The following RANBP1 variants were observed in gnomAD, a reference collection of about 807,000 sequenced individuals.
RANBP1 encodes RAN binding protein 1.
Under a neutral mutation model 31.4 loss-of-function variants are expected in RANBP1, and 16 were observed. The observed-to-expected ratio is 0.51, with a 90% CI of 0.34 to 0.77. The LOEUF is 0.77. RANBP1 is among the 30% of genes least tolerant of loss of function. The probability of loss-of-function intolerance (pLI) is 0.01; values close to 1 mark genes in which losing one functional copy is unlikely to be tolerated. For missense variants in RANBP1, 265 were observed against 362.0 expected (o/e 0.73, Z 2.17); for synonymous variants, 129 against 140.5 (o/e 0.92, Z 0.58).
chr22:20,117,487 C>T, intron 1 of RANBP1: 1 of 1,219,304 alleles, frequency 8.2e-7, no homozygotes, highest in Non-Finnish European at 1.0e-6. Context: ...TTTCCCGCCG[C>T]TGGGGTCAGG....
chr22:20,117,482 C>T (rs945335829), intron 1 of RANBP1: 23 of 1,216,980 alleles, frequency 1.9e-5, no homozygotes, highest in Non-Finnish European at 2.3e-5. Context: ...GCGCGTTTCC[C>T]GCCGCTGGGG....
In RANBP1 at chr22:20,125,016, GA is replaced by G. The variant is rs2050265489; in HGVS notation, c.542-290del. 1.5e-5 allele frequency: 6 copies of G among 391,128 alleles called. No homozygotes were observed. In the Admixed American group the frequency reaches 2.6e-4, roughly 17 times the overall value. 24.2% of individuals were successfully genotyped at this position (391,128 alleles called of 1,614,324 possible). A position where few individuals can be genotyped will look rare whatever the true frequency, so the allele number is the denominator to read the frequency against. On this transcript the variant is annotated intron_variant, in intron 3 of 5. Coordinates refer to ENST00000430524, the MANE Select transcript of RANBP1 (RefSeq NM_001278639.2). ...GGGGGTCTGTGTGCCAAGTGATCTTGAACACAGCTCAGGAGCTCCTCGTGGA... is the reference window on the plus strand; with the variant it reads ...GGGGGTCTGTGTGCCAAGTGATCTTGACACAGCTCAGGAGCTCCTCGTGGA...
At chr22:20,116,716 A>C (rs1602525528) in intron 1 of RANBP1, 1 of 1,435,262 alleles carries the variant, frequency 7.0e-7, no homozygotes, top group Non-Finnish European at 9.4e-7. Flanking sequence ...TGCACTCTGC[A>C]CTCAGCCCTG....
At chr22:20,118,550 A>C (rs1032284778) in intron 1 of RANBP1, among the ~76,000 whole-genome samples, 15 of 152,376 alleles carry the variant, frequency 9.8e-5, no homozygotes, top group African/African-American at 3.6e-4. Context: ...ATTAGTCAAA[A>C]CTGAAAGAGT....
In RANBP1 at chr22:20,123,431, TGGG is replaced by T. The variant is rs533083024; in HGVS notation, c.541+1016_541+1018del. On this transcript the variant is annotated intron_variant, in intron 3 of 5. Transcript: ENST00000430524. ...CTGGGGGTGTTGGGGTGTGTGGTGT[TGGG>T]GGGGGTGTGTGGTGTCTGGGGGGGT... Among the ~76,000 whole-genome samples the T allele has an allele frequency of 1.1e-3, 24 of 22,168 alleles. No homozygotes were observed. In the South Asian group the frequency reaches 0.015, roughly 14 times the overall value. 14.5% of individuals were successfully genotyped at this position (22,168 alleles called of 152,430 possible). A position where few individuals can be genotyped will look rare whatever the true frequency, so the allele number is the denominator to read the frequency against.
In RANBP1 at chr22:20,127,069, T is replaced by C; in HGVS notation, c.*17T>C. 7 of 1,587,156 alleles carry C rather than the reference T, an allele frequency of 4.4e-6. No individual in the cohort carries two copies. Among genetic ancestry groups the C allele is most frequent in the Non-Finnish European group, 5.1e-6 (6 of 1,167,682 alleles). On this transcript the variant is annotated 3_prime_UTR_variant, in exon 6 of 6. Coordinates refer to ENST00000430524, the MANE Select transcript of RANBP1 (RefSeq NM_001278639.2). The stretch of plus-strand genomic sequence containing the variant: ...AAGCAATAAATCGTCTTATTTTATT[T>C]TCTTTTCCTCTCTTTCCTTTCCTTT...
At chr22:20,117,845 G>A in intron 1 of RANBP1, 2 of 1,019,032 alleles carry the variant, frequency 2.0e-6, no homozygotes, top group African/African-American at 1.7e-5. Flanking sequence ...GGCCTGCGGA[G>A]TTGGGGCGTT....
In RANBP1 at chr22:20,122,432, T is replaced by C. The variant is rs1319461353; in HGVS notation, c.541+11T>C. On this transcript the variant is annotated intron_variant, in intron 3 of 5. Coordinates refer to ENST00000430524, the MANE Select transcript of RANBP1 (RefSeq NM_001278639.2). ...GTGCCAACCACTACAGTAGGTGGCA[T>C]GAACGACCACCTCGACAGTCCCCAG... 2 of 1,611,276 alleles carry C rather than the reference T, an allele frequency of 1.2e-6. No homozygotes were observed. Among genetic ancestry groups the C allele is most frequent in the African/African-American group, 1.3e-5 (1 of 75,004 alleles).
intron 5 of RANBP1, chr22:20,126,690 C>T (rs2050308389): frequency 6.7e-7 from 1 of 1,500,044 alleles, no homozygotes; most frequent in South Asian, 1.2e-5. Flanking sequence ...GGCTGGACTG[C>T]AGCTGTGGTG....
rs771239571 is a variant in RANBP1, at chr22:20,116,360, G to A, written c.176G>A (p.Arg59Lys). 2.5e-6 allele frequency: 4 copies of A among 1,612,728 alleles called. No individual in the cohort carries two copies. In the African/African-American group the frequency reaches 5.3e-5, roughly 22 times the overall value. ...TGGGGCTGCAGACCAAAGCGGCCCAGGAAGCGCCGGACGTCGCTGAAGCTG... is the reference window on the plus strand; with the variant it reads ...TGGGGCTGCAGACCAAAGCGGCCCAAGAAGCGCCGGACGTCGCTGAAGCTG... ...VLWGCRPKRP[R>K]KRRTSLKLAW... Residue 59 changes from arginine to lysine, a missense_variant, in exon 1 of 6, where the codon AGG becomes AAG. Transcript: ENST00000430524.
Position 20,117,953 on chromosome 22 carries a change from G to T in RANBP1, c.247-1060G>T, listed in dbSNP as rs2050080214. The T allele has an allele frequency of 6.0e-6, 6 of 1,007,294 alleles. No homozygotes were observed. The South Asian group carries it at 2.8e-4, about 47-fold the overall frequency. The allele number at this position is 1,007,294 out of a possible 1,614,324, so 62.4% of individuals were successfully genotyped here. A position where few individuals can be genotyped will look rare whatever the true frequency, so the allele number is the denominator to read the frequency against. On this transcript the variant is annotated intron_variant, in intron 1 of 5. Transcript: ENST00000430524. Reference sequence around the variant, plus strand: ...GCCGTCGCCACGCGGGACGGCCCCAGCCTCCAGGAACTGGTGCGGGCGGCG... The same window carrying T: ...GCCGTCGCCACGCGGGACGGCCCCATCCTCCAGGAACTGGTGCGGGCGGCG...
chr22:20,126,043 CGGTT>C (rs1231692260), intron 4 of RANBP1, among the ~76,000 whole-genome samples: 1 of 152,232 alleles, frequency 6.6e-6, no homozygotes, highest in Admixed American at 6.5e-5. Flanking sequence ...CTTTCCAACA[CGGTT>C]GGGAGCCGAG....
intron 3 of RANBP1, 150 bp downstream of exon 3, chr22:20,122,571 G>C: frequency 6.5e-7 from 1 of 1,545,362 alleles, no homozygotes; most frequent in Non-Finnish European, 8.7e-7. Context: ...CCAGAAATAC[G>C]TTTTTCAGAC....
rs1408620730 is a variant in RANBP1 at position 20,116,291 on chromosome 22, A to G, written c.107A>G (p.Asn36Ser). 1.1e-5 allele frequency: 17 copies of G among 1,612,972 alleles called. No individual in the cohort carries two copies. The highest frequency in any genetic ancestry group is 1.4e-5 in the Non-Finnish European group (17 of 1,180,014). ...RALSLSAALR[N>S]VTKAQGGCPK... ...TTGTCCCTCTCTGCAGCGCTGCGGAATGTCACAAAGGCGCAGGGTGGTTGC... is the reference window on the plus strand; with the variant it reads ...TTGTCCCTCTCTGCAGCGCTGCGGAGTGTCACAAAGGCGCAGGGTGGTTGC... Residue 36 changes from asparagine (N) to serine (S), a missense_variant, in exon 1 of 6, where the codon AAT (asparagine) becomes AGT (serine). By Grantham distance (46) the Asn-to-Ser change is conservative (BLOSUM62 1). Coordinates refer to ENST00000430524, the MANE Select transcript of RANBP1 (RefSeq NM_001278639.2).
At chr22:20,116,569 G>A (rs2050028531) in intron 1 of RANBP1, 139 bp downstream of exon 1, 18 of 1,576,978 alleles carry the variant, frequency 1.1e-5, no homozygotes, top group Non-Finnish European at 1.4e-5. Context: ...GCAGCTCAGG[G>A]CACTGCTGCT....
At chr22:20,122,725 G>T (rs1036649596) in intron 3 of RANBP1, 6 of 637,168 alleles carry the variant, frequency 9.4e-6, no homozygotes, top group Non-Finnish European at 1.1e-5. Context: ...AGGGGGTGCT[G>T]TGTGTGTGTG....
chr22:20,117,241 G>A, intron 1 of RANBP1: 1 of 535,748 alleles, frequency 1.9e-6, no homozygotes, highest in Non-Finnish European at 3.0e-6. Flanking sequence ...CTGGCTTCTG[G>A]CAACGTCATC....
chr22:20,125,529 GGA>G (rs760517140), intron 4 of RANBP1, 93 bp downstream of exon 4: 2 of 1,544,516 alleles, frequency 1.3e-6, no homozygotes, highest in East Asian at 4.9e-5. Context: ...TGCCTTTTGG[GGA>G]GAGGGGGCAG....
At position 20,126,897 on chromosome 22, in the gene RANBP1, A is replaced by C. The variant is rs144304165; in HGVS notation, c.737-55A>C. The C allele has an allele frequency of 1.9e-6, 3 of 1,583,754 alleles. No individual in the cohort carries two copies. The African/African-American group carries it at 4.1e-5, about 21-fold the overall frequency. ...ACTTGGGACCAGCCTGGCGAGGGCC[A>C]TGTGCTTGAATGCACCGTGCTTCTG... On this transcript the variant is annotated intron_variant, in intron 5 of 5. Transcript: ENST00000430524.
Sources: gnomAD v4.1 joint callset for allele counts (sites outside exome capture counted in the v4.1 genomes callset) on GRCh38, gnomAD v4.1.1 for gene constraint, MANE v1.5 for transcripts, NCBI Gene and HGNC (gene_info 2026-07-23, HGNC 2026-07-21) for gene names.